The following NHS variants were observed in gnomAD, a reference collection of about 807,000 sequenced individuals.
NHS encodes the protein NHS actin remodeling regulator, also known as actin remodeling regulator NHS.
Under a neutral mutation model 72.5 loss-of-function variants are expected in NHS, and 5 were observed. The observed-to-expected ratio is 0.07, with a 90% CI of 0.04 to 0.14. NHS has a LOEUF of 0.14. NHS is among the 10% of genes least tolerant of loss of function. The pLI is 1.00. For missense variants in NHS, 1,072 were observed against 1,355.7 expected, an observed-to-expected ratio of 0.79 and a Z score of 3.29; for synonymous variants, 464 against 547.7, an observed-to-expected ratio of 0.85 and a Z score of 2.13.
chrX:17,674,944 A>G (rs907853710), intron 1 of NHS, among the ~76,000 whole-genome samples: 2 of 112,231 alleles, frequency 1.8e-5, no homozygotes, highest in Non-Finnish European at 3.8e-5. Flanking sequence ...GAGCAGATGA[A>G]TGTGAAGGGA....
At chrX:17,504,273 G>A (rs2065047252) in intron 1 of NHS, among the ~76,000 whole-genome samples, 1 of 111,639 alleles carries the variant, frequency 9.0e-6, no homozygotes, top group African/African-American at 3.3e-5. Flanking sequence ...TTTTGTGCTG[G>A]TACCCATCTG....
At chrX:17,428,282 T>C (rs1468729066) in intron 1 of NHS, among the ~76,000 whole-genome samples, 1 of 112,560 alleles carries the variant, frequency 8.9e-6, no homozygotes, top group Non-Finnish European at 1.9e-5. Flanking sequence ...TTCATCCTTC[T>C]GAGTTCTGGT....
intron 1 of NHS, among the ~76,000 whole-genome samples, chrX:17,416,819 T>TGAGA (rs576288851): frequency 0.013 from 1,264 of 98,169 alleles, 13 homozygotes; most frequent in Middle Eastern, 0.037. Flanking sequence ...TGTGTGTGTG[T>TGAGA]GAGAGAGAGA....
chrX:17,482,627 A>G (rs2064950717), intron 1 of NHS, among the ~76,000 whole-genome samples: 1 of 111,258 alleles, frequency 9.0e-6, no homozygotes. Context: ...GTAGGAGTCA[A>G]AGCATGAAAG....
At chrX:17,463,984 A>C (rs1048818088) in intron 1 of NHS, among the ~76,000 whole-genome samples, 1 of 112,411 alleles carries the variant, frequency 8.9e-6, no homozygotes, top group Non-Finnish European at 1.9e-5. Flanking sequence ...TATAACCTGC[A>C]GTCAAACAAA....
At chrX:17,579,186 C>T (rs1480166971) in intron 1 of NHS, among the ~76,000 whole-genome samples, 1 of 112,145 alleles carries the variant, frequency 8.9e-6, no homozygotes, top group Non-Finnish European at 1.9e-5. Context: ...CGTTTTAAAG[C>T]AAGTAAAAAG....
In NHS at chrX:17,631,373, C is replaced by T. The variant is rs954658123; in HGVS notation, c.566-56369C>T. 3.6e-5 allele frequency among the ~76,000 whole-genome samples: 4 copies of T among 112,130 alleles called. No homozygotes were observed. The Admixed American group carries it at 3.8e-4, about 11-fold the overall frequency. On this transcript the variant is annotated intron_variant, in intron 1 of 8. Transcript: ENST00000676302. The stretch of plus-strand genomic sequence containing the variant: ...TCAGAAGTATTAACCTATTAACCCT[C>T]CTTTCACTAACAGACCTAAATCTTC...
chrX:17,409,859 A>G (rs1253664511), intron 1 of NHS, among the ~76,000 whole-genome samples: 2 of 111,891 alleles, frequency 1.8e-5, no homozygotes, highest in African/African-American at 6.5e-5. Context: ...GCACTGATTA[A>G]TACTATAATG....
chrX:17,721,676 T>C (rs749624750), intron 5 of NHS, 43 bp downstream of exon 5: 21 of 1,088,973 alleles, frequency 1.9e-5, no homozygotes, highest in African/African-American at 1.8e-4. Flanking sequence ...GGTCAGAATA[T>C]TCTGTGTATT....
intron 1 of NHS, among the ~76,000 whole-genome samples, chrX:17,539,063 T>C (rs958658812): frequency 6.2e-5 from 7 of 112,351 alleles, no homozygotes; most frequent in East Asian, 2.8e-4. Context: ...ACCTCTACCA[T>C]TTTTCCTCTT....
At position 17,735,567 on chromosome X, in the gene NHS, C is replaced by T. The variant is rs1300308169; in HGVS notation, c.*3103C>T. 8.9e-6 allele frequency: 1 copy of T among 112,481 alleles called. No individual in the cohort carries two copies. Among genetic ancestry groups the T allele is most frequent in the Non-Finnish European group, 1.9e-5 (1 of 53,263 alleles). The allele number at this position is 112,481 out of a possible 1,213,427, so 9.3% of individuals were successfully genotyped here. On this transcript the variant is annotated 3_prime_UTR_variant, in exon 9 of 9. Coordinates refer to ENST00000676302, the MANE Select transcript of NHS (RefSeq NM_001291867.2). ...TAGCAAACAGAACATGCTGTTTGCT[C>T]TTGCCAAAGGTCAGTGAGTGAGTGC... is the stretch of plus-strand genomic sequence containing the variant.
At chrX:17,644,144 A>G in intron 1 of NHS, among the ~76,000 whole-genome samples, 1 of 112,116 alleles carries the variant, frequency 8.9e-6, no homozygotes, top group Non-Finnish European at 1.9e-5. Flanking sequence ...TGCTTTCTCA[A>G]ATTTCCCAAG....
intron 1 of NHS, among the ~76,000 whole-genome samples, chrX:17,410,674 T>C (rs1023866450): frequency 1.8e-5 from 2 of 110,056 alleles, no homozygotes; most frequent in African/African-American, 6.6e-5. Context: ...AAATTACTTA[T>C]AATAGAACGT....
chrX:17,549,817 G>A (rs754524399), intron 1 of NHS, among the ~76,000 whole-genome samples: 1 of 111,248 alleles, frequency 9.0e-6, no homozygotes, highest in East Asian at 2.9e-4. Flanking sequence ...AAAAAGAATT[G>A]GGGAAGCCTT....
intron 1 of NHS, among the ~76,000 whole-genome samples, chrX:17,626,357 G>A (rs866975038): frequency 1.3e-4 from 15 of 112,405 alleles, no homozygotes; most frequent in African/African-American, 4.5e-4. Flanking sequence ...CTGTGTAGCC[G>A]TAGTTTGCAA....
At chrX:17,486,071 C>G (rs773492029) in intron 1 of NHS, among the ~76,000 whole-genome samples, 1 of 111,815 alleles carries the variant, frequency 8.9e-6, no homozygotes, top group African/African-American at 3.2e-5. Flanking sequence ...CGGAGATGGT[C>G]CTGAAGCATG....
At chrX:17,448,366 A>G (rs888022183) in intron 1 of NHS, among the ~76,000 whole-genome samples, 7 of 112,319 alleles carry the variant, frequency 6.2e-5, no homozygotes, top group Admixed American at 1.9e-4. Flanking sequence ...CTAAAAGTCA[A>G]CAGAATTTGT....
chrX:17,509,604 A>T (rs2065076853), intron 1 of NHS, among the ~76,000 whole-genome samples: 1 of 112,304 alleles, frequency 8.9e-6, no homozygotes. Context: ...TCATTTGGCC[A>T]TTATAACAAC....
In NHS at chrX:17,482,732, A is replaced by C. The variant is rs934681705; in HGVS notation, c.565+106410A>C. Among the ~76,000 whole-genome samples, 4 of 112,292 alleles carry C rather than the reference A, an allele frequency of 3.6e-5. No individual in the cohort carries two copies. The East Asian group carries it at 1.1e-3, about 31-fold the overall frequency. ...AGCCTTGTCTGGGGCCAGGTAAGCCATAGTTAGGATTTCTGGTGGGTAAGA... is the reference window on the plus strand; with the variant it reads ...AGCCTTGTCTGGGGCCAGGTAAGCCCTAGTTAGGATTTCTGGTGGGTAAGA... On this transcript the variant is annotated intron_variant, in intron 1 of 8. Coordinates refer to ENST00000676302, the MANE Select transcript of NHS (RefSeq NM_001291867.2).
Sources: allele counts gnomAD v4.1 joint callset (sites outside exome capture counted in the v4.1 genomes callset), GRCh38; gene constraint gnomAD v4.1.1; transcripts MANE v1.5; gene names NCBI Gene and HGNC (gene_info 2026-07-23, HGNC 2026-07-21).